The following MTMR9 variants were observed in gnomAD, a reference collection of about 807,000 sequenced individuals.
MTMR9 encodes myotubularin-related protein 9.
A neutral mutation model predicts 69.5 loss-of-function variants in MTMR9; 39 were observed. That is an observed-to-expected ratio of 0.56 (90% CI 0.43 to 0.73). The LOEUF (loss-of-function observed/expected upper bound fraction) is 0.73. Among genes scored for constraint, MTMR9 ranks in the 30% least tolerant of loss-of-function variants. The probability of loss-of-function intolerance (pLI) is 0.00; values close to 1 mark genes in which losing one functional copy is unlikely to be tolerated. For missense variants in MTMR9, 900 were observed against 671.2 expected (o/e 1.34, Z -3.77); for synonymous variants, 354 against 240.8 (o/e 1.47, Z -4.35).
chr8:11,319,670 T>C lies in MTMR9; in HGVS notation c.1335-17T>C, dbSNP rs760009954. ...TATAAATTAATTACTTTAATGGCAG[T>C]GTTCTTTCTTGATCAGATGTAAGTT... On this transcript the variant is annotated splice_polypyrimidine_tract_variant and intron_variant, in intron 8 of 9. Coordinates refer to ENST00000221086, the MANE Select transcript of MTMR9 (RefSeq NM_015458.4). 1 of 1,612,256 alleles carries C rather than the reference T, an allele frequency of 6.2e-7. No homozygotes were observed. The highest frequency in any genetic ancestry group is 1.3e-5 in the African/African-American group (1 of 74,858).
downstream of MTMR9, among the ~76,000 whole-genome samples, chr8:11,332,624 C>T (rs1801281307): frequency 6.6e-6 from 1 of 150,824 alleles, no homozygotes. Context: ...TTTTCTGAGA[C>T]AGAATCTTGC....
rs1027419809 is a variant in MTMR9, at chr8:11,325,917, GA to G, written c.*3130del. 1.3e-5 allele frequency: 2 copies of G among 152,044 alleles called. No individual in the cohort carries two copies. The highest frequency in any genetic ancestry group is 6.6e-5 in the Admixed American group (1 of 15,250). The allele number at this position is 152,044 out of a possible 1,614,324, so 9.4% of individuals were successfully genotyped here. ...GTGATTTTTGAGAAGACTTGGGGGG[GA>G]CAATAATAGACATTCATGTCAGATC... On this transcript the variant is annotated 3_prime_UTR_variant, in exon 10 of 10. Coordinates refer to ENST00000221086, the MANE Select transcript of MTMR9 (RefSeq NM_015458.4).
chr8:11,326,629 T>C lies in MTMR9; in HGVS notation c.*3841T>C, dbSNP rs1800941431. On this transcript the variant is annotated 3_prime_UTR_variant, in exon 10 of 10. Transcript: ENST00000221086. ...GCCTGTTCTCCTCCTCCAGACCTAGTATTCTAAGTTATTACCACATAGTAT... is the reference window on the plus strand; with the variant it reads ...GCCTGTTCTCCTCCTCCAGACCTAGCATTCTAAGTTATTACCACATAGTAT... The C allele has an allele frequency of 6.6e-6, 1 of 152,232 alleles. No individual in the cohort carries two copies. The highest frequency in any genetic ancestry group is 2.1e-4 in the South Asian group (1 of 4,826). The allele number at this position is 152,232 out of a possible 1,614,324, so 9.4% of individuals were successfully genotyped here.
At chr8:11,337,809 T>C in the MTMR9 span, among the ~76,000 whole-genome samples, 4 of 152,228 alleles carry the variant, frequency 2.6e-5, no homozygotes, top group Non-Finnish European at 5.9e-5. Context: ...GAGAGACAGA[T>C]TCCTGTCACT....
chr8:11,333,937 A>G, the MTMR9 span, among the ~76,000 whole-genome samples: 435 of 152,344 alleles, frequency 2.9e-3, 3 homozygotes, highest in Non-Finnish European at 3.2e-3. Flanking sequence ...CTGCCCTCAT[A>G]TATGGATTAA....
the MTMR9 span, among the ~76,000 whole-genome samples, chr8:11,334,900 A>G: frequency 6.6e-6 from 1 of 152,260 alleles, no homozygotes; most frequent in East Asian, 1.9e-4. Flanking sequence ...ACTTTATGCT[A>G]AAACTCTTAG....
Position 11,319,891 on chromosome 8 carries a change from G to T in MTMR9, c.1486+53G>T, listed in dbSNP as rs1032449065. The T allele has an allele frequency of 8.2e-6, 13 of 1,587,874 alleles. No individual in the cohort carries two copies. The African/African-American group carries it at 1.5e-4, about 18-fold the overall frequency. ...TTAACGGTCAGGTGTGCATGCGGCT[G>T]CCTGTGAGTGTGTGCTGTTGGTGAT... On this transcript the variant is annotated intron_variant, in intron 9 of 9. Transcript: ENST00000221086.
At chr8:11,299,876 T>G in intron 2 of MTMR9, 147 bp from the exon 3 acceptor site, 1 of 912,176 alleles carries the variant, frequency 1.1e-6, no homozygotes, top group Non-Finnish European at 1.6e-6. Context: ...AGACTAAAAT[T>G]GTATCTGGTG....
chr8:11,301,617 C>T (rs781398685), intron 3 of MTMR9, among the ~76,000 whole-genome samples: 1 of 152,134 alleles, frequency 6.6e-6, no homozygotes, highest in Non-Finnish European at 1.5e-5. Flanking sequence ...AGATATGACA[C>T]CAAAAGTGAC....
Position 11,319,764 on chromosome 8 carries a change from C to G in MTMR9, c.1412C>G (p.Thr471Ser). The G allele has an allele frequency of 2.5e-6, 4 of 1,614,178 alleles. No individual in the cohort carries two copies. The highest frequency in any genetic ancestry group is 1.1e-5 in the South Asian group (1 of 91,086). The change falls in exon 9 of 10, where the codon ACC becomes AGC. Residue 471 changes from threonine to serine, a missense_variant. Physicochemically the swap from Thr to Ser is moderately conservative, Grantham distance 58 (BLOSUM62 1). Transcript: ENST00000221086. ...CAGCCCAGTGAGCTGAGTAAATTCA[C>G]CAATCCCCTCTTTGAAGCCAACAAC... Reference protein sequence around the residue: ...VNQPSELSKFTNPLFEANNLV... With the variant: ...VNQPSELSKFSNPLFEANNLV...
At chr8:11,287,009 T>A (rs1057330030) in intron 1 of MTMR9, among the ~76,000 whole-genome samples, 4 of 152,204 alleles carry the variant, frequency 2.6e-5, no homozygotes, top group African/African-American at 9.6e-5. Flanking sequence ...GACACCAAGG[T>A]AAATAAAATA....
At chr8:11,339,402 A>G in the MTMR9 span, among the ~76,000 whole-genome samples, 1 of 152,244 alleles carries the variant, frequency 6.6e-6, no homozygotes, top group African/African-American at 2.4e-5. Flanking sequence ...TCTCTATCAC[A>G]ATACAGTCCA....
downstream of MTMR9, among the ~76,000 whole-genome samples, chr8:11,332,885 C>T (rs1331325599): frequency 6.6e-6 from 1 of 152,182 alleles, no homozygotes; most frequent in Non-Finnish European, 1.5e-5. Context: ...CAGGCATTAG[C>T]CACCACGCCC....
At chr8:11,319,945 C>A (rs759247171) in intron 9 of MTMR9, 107 bp downstream of exon 9, 1 of 1,081,608 alleles carries the variant, frequency 9.2e-7, no homozygotes, top group East Asian at 2.5e-5. Context: ...GGACGTGGCC[C>A]TCAGACCTGT....
At chr8:11,331,388 T>G (rs1801217877), downstream of MTMR9, 1 of 1,613,900 alleles carries the variant, frequency 6.2e-7, no homozygotes, top group Non-Finnish European at 8.5e-7. Flanking sequence ...GCGACCCCCT[T>G]CTGGGACCTC....
At position 11,319,759 on chromosome 8, in the gene MTMR9, A is replaced by G. The variant is rs1800588437; in HGVS notation, c.1407A>G (p.Lys469=). 5 of 1,614,174 alleles carry G rather than the reference A, an allele frequency of 3.1e-6. No individual in the cohort carries two copies. The highest frequency in any genetic ancestry group is 3.4e-6 in the Non-Finnish European group (4 of 1,180,010). The change falls in exon 9 of 10, where the codon AAA becomes AAG. Residue 469 remains lysine (K), a synonymous_variant. Coordinates refer to ENST00000221086, the MANE Select transcript of MTMR9 (RefSeq NM_015458.4). ...TTAATCAGCCCAGTGAGCTGAGTAA[A>G]TTCACCAATCCCCTCTTTGAAGCCA... ...SWVNQPSELS[K]FTNPLFEANN...
At chr8:11,299,300 G>A (rs952159497) in intron 2 of MTMR9, among the ~76,000 whole-genome samples, 4 of 152,116 alleles carry the variant, frequency 2.6e-5, no homozygotes, top group African/African-American at 9.7e-5. Context: ...ATTCTAGCCT[G>A]GGTGACAAGA....
chr8:11,284,823 C>G lies in MTMR9; in HGVS notation c.-66C>G. The stretch of plus-strand genomic sequence containing the variant: ...CCCGCGCCGGGTGTTTCCGCTACTT[C>G]CCTGCGGCGGGGTAACCGCCTCGCA... On this transcript the variant is annotated 5_prime_UTR_variant, in exon 1 of 10. Coordinates refer to ENST00000221086, the MANE Select transcript of MTMR9 (RefSeq NM_015458.4). 1 of 1,449,346 alleles carries G rather than the reference C, an allele frequency of 6.9e-7. No individual in the cohort carries two copies. The highest frequency in any genetic ancestry group is 9.3e-7 in the Non-Finnish European group (1 of 1,074,750). The allele number at this position is 1,449,346 out of a possible 1,614,324, so 89.8% of individuals were successfully genotyped here.
rs538610715 is a variant in MTMR9, at chr8:11,322,609, T to C, written c.1487-16T>C. The C allele has an allele frequency of 1.9e-6, 3 of 1,610,850 alleles. No homozygotes were observed. In the East Asian group the frequency reaches 6.7e-5, roughly 36 times the overall value. ...ATACCTTTCTTGCTTCTGTTTTCCA[T>C]TCCTGGATTCAATAGGTATTTTCCT... is the stretch of plus-strand genomic sequence containing the variant. On this transcript the variant is annotated splice_polypyrimidine_tract_variant and intron_variant, in intron 9 of 9. Coordinates refer to ENST00000221086, the MANE Select transcript of MTMR9 (RefSeq NM_015458.4).
Sources: gnomAD v4.1 joint callset for allele counts (sites outside exome capture counted in the v4.1 genomes callset) on GRCh38, gnomAD v4.1.1 for gene constraint, MANE v1.5 for transcripts, NCBI Gene and HGNC (gene_info 2026-07-23, HGNC 2026-07-21) for gene names.